The following GRID2 variants were observed in gnomAD, a reference collection of about 807,000 sequenced individuals.
GRID2 encodes the protein glutamate ionotropic receptor delta type subunit 2.
GRID2 carries 33 observed loss-of-function variants against 114.8 expected under a neutral mutation model. The observed-to-expected ratio is 0.29, with a 90% CI of 0.22 to 0.38. The LOEUF is 0.38. GRID2 is among the 10% of genes least tolerant of loss of function. GRID2 has a pLI of 1.00. For missense variants in GRID2, 1,184 were observed against 1,257.7 expected, an observed-to-expected ratio of 0.94 and a Z score of 0.89; for synonymous variants, 505 against 449.9, an observed-to-expected ratio of 1.12 and a Z score of -1.55.
rs1048586024 is a variant in GRID2 at position 93,216,293 on chromosome 4, C to T, written c.790-445C>T. On this transcript the variant is annotated intron_variant, in intron 5 of 15. Coordinates refer to ENST00000282020, the MANE Select transcript of GRID2 (RefSeq NM_001510.4). Reference sequence around the variant, plus strand: ...GTGCATGTGTGTGTGTGTATGTGTGCGTATGTATGCATGCGTATGTGCGTG... The same window carrying T: ...GTGCATGTGTGTGTGTGTATGTGTGTGTATGTATGCATGCGTATGTGCGTG... Among the ~76,000 whole-genome samples the T allele has an allele frequency of 3.3e-5, 5 of 151,532 alleles. No homozygotes were observed. The South Asian group carries it at 1.0e-3, about 32-fold the overall frequency.
At chr4:93,656,085 G>T (rs1444705148) in intron 14 of GRID2, among the ~76,000 whole-genome samples, 2 of 150,920 alleles carry the variant, frequency 1.3e-5, no homozygotes, top group Admixed American at 1.3e-4. Flanking sequence ...GTACATCAAG[G>T]CAAGTTTAAA....
At chr4:93,614,022 T>G (rs1482199294) in intron 13 of GRID2, among the ~76,000 whole-genome samples, 1 of 151,826 alleles carries the variant, frequency 6.6e-6, no homozygotes, top group Non-Finnish European at 1.5e-5. Flanking sequence ...TGGTGCGCCG[T>G]TTTTTAAGCC....
At chr4:93,490,900 C>G in intron 12 of GRID2, 123 bp downstream of exon 12, 1 of 640,558 alleles carries the variant, frequency 1.6e-6, no homozygotes, top group Non-Finnish European at 2.7e-6. Flanking sequence ...AGTAAAGGAT[C>G]AATTTTGTGT....
intron 2 of GRID2, among the ~76,000 whole-genome samples, chr4:92,622,250 G>A (rs1730310860): frequency 6.6e-6 from 1 of 151,608 alleles, no homozygotes. Flanking sequence ...TGTAATATTA[G>A]GAATGCCAAT....
chr4:92,823,783 A>G (rs986030489), intron 2 of GRID2, among the ~76,000 whole-genome samples: 1 of 152,132 alleles, frequency 6.6e-6, no homozygotes, highest in Non-Finnish European at 1.5e-5. Context: ...TTATCTTACC[A>G]TGGATACAAA....
intron 2 of GRID2, among the ~76,000 whole-genome samples, chr4:93,012,921 A>G (rs967101327): frequency 6.6e-6 from 1 of 152,028 alleles, no homozygotes; most frequent in Non-Finnish European, 1.5e-5. Flanking sequence ...ATATATATAT[A>G]AAACATTTAT....
intron 2 of GRID2, among the ~76,000 whole-genome samples, chr4:92,771,002 A>G (rs989297952): frequency 2.0e-4 from 30 of 152,162 alleles, no homozygotes; most frequent in Admixed American, 5.2e-4. Flanking sequence ...ATGAGAACTG[A>G]AATATATTTA....
intron 2 of GRID2, among the ~76,000 whole-genome samples, chr4:92,900,756 C>G (rs1747509625): frequency 1.4e-5 from 2 of 146,950 alleles, no homozygotes; most frequent in South Asian, 2.1e-4. Flanking sequence ...ATGGCATGAA[C>G]CTGGGAGGCG....
At chr4:93,244,832 A>G (rs182545071) in intron 8 of GRID2, among the ~76,000 whole-genome samples, 2 of 151,752 alleles carry the variant, frequency 1.3e-5, no homozygotes, top group African/African-American at 4.8e-5. Context: ...ATTCTGGAAT[A>G]TCTAAAATGA....
intron 14 of GRID2, among the ~76,000 whole-genome samples, chr4:93,631,778 G>A: frequency 6.6e-6 from 1 of 152,184 alleles, no homozygotes; most frequent in Non-Finnish European, 1.5e-5. Flanking sequence ...CTAGATCCCT[G>A]AGGAATCGCC....
intron 2 of GRID2, among the ~76,000 whole-genome samples, chr4:92,893,195 T>A (rs1036475798): frequency 6.6e-6 from 1 of 152,170 alleles, no homozygotes; most frequent in Non-Finnish European, 1.5e-5. Context: ...CCTACCCTAG[T>A]GCTTACCCTA....
Position 92,510,274 on chromosome 4 carries a change from G to T in GRID2, c.89-79857G>T, listed in dbSNP as rs117593003. Among the ~76,000 whole-genome samples the T allele has an allele frequency of 7.3e-4, 111 of 151,962 alleles. 2 individuals carry two copies. In the East Asian group the frequency reaches 0.02, roughly 28 times the overall value. On this transcript the variant is annotated intron_variant, in intron 1 of 15. Transcript: ENST00000282020. ...GGTTTTGGATCTGAACCAGTACAAT[G>T]GATTTGTCATTTACTGAGATGGAGA...
At chr4:92,527,531 T>C (rs1308017872) in intron 1 of GRID2, among the ~76,000 whole-genome samples, 1 of 152,126 alleles carries the variant, frequency 6.6e-6, no homozygotes, top group Non-Finnish European at 1.5e-5. Context: ...TAATGGGAGA[T>C]ATAGTCATCT....
chr4:93,279,136 A>C (rs953115703), intron 8 of GRID2, among the ~76,000 whole-genome samples: 3 of 151,822 alleles, frequency 2.0e-5, no homozygotes, highest in Non-Finnish European at 4.4e-5. Context: ...TAAATAACAA[A>C]ATGTCCCAAA....
chr4:92,360,935 A>G (rs1218426954), intron 1 of GRID2, among the ~76,000 whole-genome samples: 1 of 151,998 alleles, frequency 6.6e-6, no homozygotes, highest in East Asian at 1.9e-4. Flanking sequence ...TTTGTGTTCT[A>G]TTTTAAATTG....
chr4:93,451,388 T>C (rs1722667478), intron 10 of GRID2, among the ~76,000 whole-genome samples: 1 of 151,852 alleles, frequency 6.6e-6, no homozygotes, highest in South Asian at 2.1e-4. Context: ...TATAAATGAG[T>C]GTTTACTTGA....
At chr4:93,774,578 T>C (rs895555823), downstream of GRID2, 1 of 152,302 alleles carries the variant, frequency 6.6e-6, no homozygotes, top group South Asian at 2.1e-4. Context: ...ACTATTGAAG[T>C]CTTAACTGTA....
chr4:92,759,896 G>A lies in GRID2; in HGVS notation c.244+169610G>A, dbSNP rs1737908116. Among the ~76,000 whole-genome samples the A allele has an allele frequency of 3.3e-5, 5 of 151,614 alleles. No individual in the cohort carries two copies. The South Asian group carries it at 1.0e-3, about 32-fold the overall frequency. The stretch of plus-strand genomic sequence containing the variant: ...CTGCCTCAGCCTCCCAAAGTGCTGG[G>A]ACTGCAGGTGTGCACGACAGTGCTC... On this transcript the variant is annotated intron_variant, in intron 2 of 15. Transcript: ENST00000282020.
At position 93,240,964 on chromosome 4, in the gene GRID2, G is replaced by A. The variant is rs1579395549; in HGVS notation, c.1245+2474G>A. On this transcript the variant is annotated intron_variant, in intron 8 of 15. Transcript: ENST00000282020. ...TCCTGTTTTTATTATTAGAAGCACA[G>A]ACAGTTTGCTTGGCCTGAAAGTTTA... is the stretch of plus-strand genomic sequence containing the variant. Among the ~76,000 whole-genome samples the A allele has an allele frequency of 2.6e-5, 4 of 151,646 alleles. No homozygotes were observed. In the South Asian group the frequency reaches 8.3e-4, roughly 32 times the overall value.
Sources: allele counts gnomAD v4.1 joint callset (sites outside exome capture counted in the v4.1 genomes callset), GRCh38; gene constraint gnomAD v4.1.1; transcripts MANE v1.5; gene names NCBI Gene and HGNC (gene_info 2026-07-23, HGNC 2026-07-21).